STRA6: variants seen among roughly 807,000 people sequenced by gnomAD.
The protein encoded by STRA6 is signaling receptor and transporter of retinol STRA6.
STRA6 carries 48 observed loss-of-function variants against 83.6 expected under a neutral mutation model. The observed-to-expected ratio is 0.57, with a 90% CI of 0.46 to 0.73. The LOEUF (loss-of-function observed/expected upper bound fraction) is 0.73, where lower values mean the gene tolerates loss of function less well. STRA6 is among the 30% of genes least tolerant of loss of function. The pLI is 0.00. For synonymous variants in STRA6, 353 were observed against 362.3 expected (o/e 0.97, Z 0.29); for missense variants, 760 against 838.8 (o/e 0.91, Z 1.16).
rs556879884 is a variant in STRA6, at chr15:74,202,175, G to T, written c.93C>A (p.Gly31=). The change falls in exon 2 of 19, where the codon GGC becomes GGA. Residue 31 remains glycine, a synonymous_variant. Transcript: ENST00000395105. Reference sequence around the variant, plus strand: ...CTTACCCCTCTGGCTGGAGCTCCTCGCCCCCCTGGGGCTCATCGATGTACC... The same window carrying T: ...CTTACCCCTCTGGCTGGAGCTCCTCTCCCCCCTGGGGCTCATCGATGTACC... ...GSWYIDEPQG[G]EELQPEGEVP... 5 of 1,504,778 alleles carry T rather than the reference G, an allele frequency of 3.3e-6. No homozygotes were observed. Among genetic ancestry groups the T allele is most frequent in the Non-Finnish European group, 4.4e-6 (5 of 1,129,092 alleles). 93.2% of individuals were successfully genotyped at this position (1,504,778 alleles called of 1,614,324 possible). A position where few individuals can be genotyped will look rare whatever the true frequency, so the allele number is the denominator to read the frequency against.
chr15:74,211,393 C>CTTTT (rs34963230), upstream of STRA6, among the ~76,000 whole-genome samples: 52 of 73,890 alleles, frequency 7.0e-4, no homozygotes, highest in East Asian at 1.3e-3. Flanking sequence ...CTGCCCCTGG[C>CTTTT]TTTTTTTTTT....
Position 74,181,322 on chromosome 15 carries a change from G to A in STRA6, c.1657C>T (p.Pro553Ser), listed in dbSNP as rs1285078231. Residue 553 changes from proline (P) to serine (S), a missense_variant, in exon 17 of 19, where the codon CCA becomes TCA. Pro to Ser is a moderately conservative substitution (Grantham distance 74, BLOSUM62 -1). Transcript: ENST00000395105. Reference protein sequence around the residue: ...HLGQMDLSLLPPRAATLDPGY... With the variant: ...HLGQMDLSLLSPRAATLDPGY... ...GGGTCGAGAGTGGCGGCTCTCGGTG[G>A]CAGCAGGCTGAGGTCCATCTGGCCA... 1.2e-6 allele frequency: 2 copies of A among 1,612,378 alleles called. No individual in the cohort carries two copies. Among genetic ancestry groups the A allele is most frequent in the Non-Finnish European group, 1.7e-6 (2 of 1,179,680 alleles).
chr15:74,181,167 C>T lies in STRA6; in HGVS notation c.1684+128G>A, dbSNP rs186512506. 3.8e-4 allele frequency: 554 copies of T among 1,445,484 alleles called. 6 individuals are homozygous for T. In the African/African-American group the frequency reaches 7.0e-3, roughly 18 times the overall value. 89.5% of individuals were successfully genotyped at this position (1,445,484 alleles called of 1,614,324 possible). A position where few individuals can be genotyped will look rare whatever the true frequency, so the allele number is the denominator to read the frequency against. ...ACAGGAGGCACAGCGCAGGGGCACA[C>T]AGGTGGCACATGCAGCTACAGGCAT... On this transcript the variant is annotated intron_variant, in intron 17 of 18. Coordinates refer to ENST00000395105, the MANE Select transcript of STRA6 (RefSeq NM_022369.4).
At chr15:74,198,311 A>G (rs1055812183) in intron 2 of STRA6, among the ~76,000 whole-genome samples, 3 of 151,556 alleles carry the variant, frequency 2.0e-5, no homozygotes, top group Admixed American at 1.3e-4. Flanking sequence ...GGGCCTCACC[A>G]TGTCGCCCAG....
At chr15:74,207,932 A>G (rs2142114011) in intron 1 of STRA6, 1 of 1,451,704 alleles carries the variant, frequency 6.9e-7, no homozygotes, top group Non-Finnish European at 9.1e-7. Flanking sequence ...AGTATGGGTG[A>G]CTCTCCACCT....
At position 74,179,986 on chromosome 15, in the gene STRA6, G is replaced by A. The variant is rs1372804305; in HGVS notation, c.*94C>T. Reference sequence around the variant, plus strand: ...GGAGGACCTGCTGGCTGCATGGCTGGTGTGATGCTGGGAGGAGAGCCGGGG... The same window carrying A: ...GGAGGACCTGCTGGCTGCATGGCTGATGTGATGCTGGGAGGAGAGCCGGGG... On this transcript the variant is annotated 3_prime_UTR_variant, in exon 19 of 19. Coordinates refer to ENST00000395105, the MANE Select transcript of STRA6 (RefSeq NM_022369.4). The A allele has an allele frequency of 6.6e-7, 1 of 1,519,212 alleles. No homozygotes were observed. The highest frequency in any genetic ancestry group is 9.0e-7 in the Non-Finnish European group (1 of 1,109,722). The allele number at this position is 1,519,212 out of a possible 1,614,324, so 94.1% of individuals were successfully genotyped here. A position where few individuals can be genotyped will look rare whatever the true frequency, so the allele number is the denominator to read the frequency against.
chr15:74,203,722 A>T (rs1410855686), upstream of STRA6, among the ~76,000 whole-genome samples: 2 of 152,210 alleles, frequency 1.3e-5, no homozygotes, highest in African/African-American at 2.4e-5. Flanking sequence ...AGATAACTAA[A>T]TCCCCTCCAA....
intron 13 of STRA6, 78 bp from the exon 14 acceptor site, chr15:74,184,067 G>T: frequency 1.3e-6 from 2 of 1,587,500 alleles, no homozygotes; most frequent in Non-Finnish European, 1.7e-6. Flanking sequence ...CCAGCAACTG[G>T]CCAAACTCCC....
chr15:74,195,197 C>A (rs533785223), intron 7 of STRA6, 105 bp downstream of exon 7: 256 of 1,542,396 alleles, frequency 1.7e-4, no homozygotes, highest in Non-Finnish European at 2.1e-4. Flanking sequence ...CAATGGAAGG[C>A]TGCAGGGCGG....
chr15:74,181,052 G>A, intron 17 of STRA6, 115 bp from the exon 18 acceptor site: 1 of 1,476,882 alleles, frequency 6.8e-7, no homozygotes, highest in Non-Finnish European at 9.3e-7. Flanking sequence ...ATCCAAGCAT[G>A]TCGACACACC....
At chr15:74,196,283 C>G (rs968625813) in intron 4 of STRA6, 136 bp from the exon 5 acceptor site, 3 of 1,330,456 alleles carry the variant, frequency 2.3e-6, no homozygotes, top group Non-Finnish European at 3.1e-6. Context: ...CCCCTTCATT[C>G]ATTCATTCCA....
chr15:74,207,717 G>A (rs1046077824), upstream of STRA6: 11 of 1,535,646 alleles, frequency 7.2e-6, no homozygotes, highest in African/African-American at 1.4e-5. Context: ...CAGTCCCCTT[G>A]AGAGTCCATG....
At chr15:74,184,423 T>C (rs905788492) in intron 13 of STRA6, among the ~76,000 whole-genome samples, 1 of 152,182 alleles carries the variant, frequency 6.6e-6, no homozygotes, top group African/African-American at 2.4e-5. Flanking sequence ...GCCAGTTCTC[T>C]GACATGGGTA....
Position 74,180,049 on chromosome 15 carries a change from AGAT to A in STRA6, c.*28_*30del. The stretch of plus-strand genomic sequence containing the variant: ...GGTAGGCAGGAACATGCCTCAGCAC[AGAT>A]GGGCAGGTGGGTTGACCTTCCCTGC... On this transcript the variant is annotated 3_prime_UTR_variant, in exon 19 of 19. Transcript: ENST00000395105. 1 of 1,607,322 alleles carries A rather than the reference AGAT, an allele frequency of 6.2e-7. No homozygotes were observed. The highest frequency in any genetic ancestry group is 8.5e-7 in the Non-Finnish European group (1 of 1,174,848).
rs780243523 is a variant in STRA6, at chr15:74,197,642, C to G, written c.180+110G>C. ...GGGAGAACTCCCAGATAGCTCCCCC[C>G]ACCCAGGATCTTCCAGGGCCCCCCT... On this transcript the variant is annotated intron_variant, in intron 3 of 18. Coordinates refer to ENST00000395105, the MANE Select transcript of STRA6 (RefSeq NM_022369.4). The G allele has an allele frequency of 4.2e-5, 60 of 1,425,278 alleles. 1 individual carries two copies. Among genetic ancestry groups the G allele is most frequent in the Admixed American group, 1.3e-4 (7 of 52,126 alleles). The allele number at this position is 1,425,278 out of a possible 1,614,324, so 88.3% of individuals were successfully genotyped here. A position where few individuals can be genotyped will look rare whatever the true frequency, so the allele number is the denominator to read the frequency against.
chr15:74,193,251 G>A (rs2073641336), intron 8 of STRA6, among the ~76,000 whole-genome samples: 1 of 152,112 alleles, frequency 6.6e-6, no homozygotes, highest in Non-Finnish European at 1.5e-5. Context: ...CTTTACTCAT[G>A]CTCTTTCCCG....
rs1375189334 is a variant in STRA6, at chr15:74,196,024, G to A, written c.390C>T (p.Ala130=). The A allele has an allele frequency of 1.2e-6, 2 of 1,613,940 alleles. No homozygotes were observed. Among genetic ancestry groups the A allele is most frequent in the African/African-American group, 1.3e-5 (1 of 74,998 alleles). ...DEDALPFLTL[A]SAPSQDGKTE... ...AGTGGGTACCTTGGCTGGGTGCTGA[G>A]GCGAGAGTCAGGAAGGGCAATGCGT... is the stretch of plus-strand genomic sequence containing the variant. The change falls in exon 5 of 19, where the codon GCC becomes GCT. Residue 130 remains alanine (A), a synonymous_variant. Transcript: ENST00000395105.
rs1269717705 is a variant in STRA6 at position 74,195,631 on chromosome 15, CTG to C, written c.430+19_430+20del. The C allele has an allele frequency of 6.5e-7, 1 of 1,543,234 alleles. No individual in the cohort carries two copies. On this transcript the variant is annotated intron_variant, in intron 6 of 18. Transcript: ENST00000395105. ...ATCCAGGCTCTGACTAGTCTCAACTCTGTGATCTTGGGCAAGTTACCTCTTGG... is the reference window on the plus strand; with the variant it reads ...ATCCAGGCTCTGACTAGTCTCAACTCTGATCTTGGGCAAGTTACCTCTTGG...
chr15:74,205,356 G>T (rs1454030638), upstream of STRA6, among the ~76,000 whole-genome samples: 1 of 152,196 alleles, frequency 6.6e-6, no homozygotes, highest in African/African-American at 2.4e-5. Context: ...TCAGCTTCTG[G>T]GGAGGGCCTC....
Sources: gnomAD v4.1 joint callset for allele counts (sites outside exome capture counted in the v4.1 genomes callset) on GRCh38, gnomAD v4.1.1 for gene constraint, MANE v1.5 for transcripts, NCBI Gene and HGNC (gene_info 2026-07-23, HGNC 2026-07-21) for gene names.